The following GALNTL6 variants were observed in gnomAD, a reference collection of about 807,000 sequenced individuals.
The protein encoded by GALNTL6 is polypeptide N-acetylgalactosaminyltransferase-like 6.
Under a neutral mutation model 73.7 loss-of-function variants are expected in GALNTL6, and 46 were observed. The ratio of observed to expected loss-of-function variants is 0.62; its 90% CI spans 0.49 to 0.80. The LOEUF (loss-of-function observed/expected upper bound fraction) is 0.80, where lower values mean the gene tolerates loss of function less well. GALNTL6 is among the 30% of genes least tolerant of loss of function. The pLI is 0.00. For missense variants in GALNTL6, 604 were observed against 755.0 expected (o/e 0.80, Z 2.34); for synonymous variants, 259 against 263.7 (o/e 0.98, Z 0.17).
intron 2 of GALNTL6, among the ~76,000 whole-genome samples, chr4:172,020,842 C>T (rs1168790314): frequency 1.3e-5 from 2 of 151,832 alleles, no homozygotes; most frequent in African/African-American, 4.8e-5. Context: ...ACACCAAAGA[C>T]ACATCAAAAA....
intron 5 of GALNTL6, among the ~76,000 whole-genome samples, chr4:172,485,178 G>A (rs766247474): frequency 4.7e-4 from 71 of 152,072 alleles, no homozygotes; most frequent in Admixed American, 4.1e-3. Flanking sequence ...TTAGATTACC[G>A]TATTGTCTCT....
intron 5 of GALNTL6, among the ~76,000 whole-genome samples, chr4:172,717,720 C>T (rs941390747): frequency 3.3e-5 from 5 of 152,128 alleles, no homozygotes; most frequent in Non-Finnish European, 7.4e-5. Context: ...ATGAATAGAA[C>T]TAATGCCATA....
At chr4:172,050,925 A>AAAGTATGG (rs1730841539) in intron 2 of GALNTL6, among the ~76,000 whole-genome samples, 1 of 152,168 alleles carries the variant, frequency 6.6e-6, no homozygotes, top group Non-Finnish European at 1.5e-5. Flanking sequence ...GCTAGCTAAG[A>AAAGTATGG]AAGTATGGTT....
intron 8 of GALNTL6, among the ~76,000 whole-genome samples, chr4:172,918,366 C>A (rs1377359983): frequency 6.6e-6 from 1 of 151,418 alleles, no homozygotes; most frequent in Non-Finnish European, 1.5e-5. Context: ...TGCACATGTA[C>A]CCTAGAACTT....
chr4:172,633,997 C>A lies in GALNTL6; in HGVS notation c.554-175364C>A, dbSNP rs571191751. ...AACTGGGAGTCAATTAAACCTCTTT[C>A]CTTTATAAATTACCCAGTCTCTGGG... is the stretch of plus-strand genomic sequence containing the variant. On this transcript the variant is annotated intron_variant, in intron 5 of 12. Transcript: ENST00000506823. 9.9e-5 allele frequency among the ~76,000 whole-genome samples: 15 copies of A among 152,272 alleles called. No homozygotes were observed. The East Asian group carries it at 2.9e-3, about 29-fold the overall frequency.
chr4:172,693,651 CT>C (rs1454844434), intron 5 of GALNTL6, among the ~76,000 whole-genome samples: 3 of 152,194 alleles, frequency 2.0e-5, no homozygotes, highest in Non-Finnish European at 2.9e-5. Flanking sequence ...AAGGCTCCAC[CT>C]ATGGGGGAGG....
chr4:173,023,564 G>A (rs1400903747), intron 12 of GALNTL6, among the ~76,000 whole-genome samples: 1 of 152,116 alleles, frequency 6.6e-6, no homozygotes, highest in Non-Finnish European at 1.5e-5. Flanking sequence ...GGCTGAGGCA[G>A]GAGAATTGCC....
chr4:171,968,129 T>C (rs1334178021), intron 2 of GALNTL6, among the ~76,000 whole-genome samples: 3 of 152,190 alleles, frequency 2.0e-5, no homozygotes, highest in African/African-American at 7.2e-5. Flanking sequence ...CTTTTTATTC[T>C]CAAGATTCTA....
chr4:171,844,429 T>A (rs972721845), intron 2 of GALNTL6, among the ~76,000 whole-genome samples: 3 of 152,192 alleles, frequency 2.0e-5, no homozygotes, highest in Non-Finnish European at 2.9e-5. Flanking sequence ...ACCCTGGTAG[T>A]TTTGATGTCT....
chr4:172,987,861 C>G (rs1387158489), intron 10 of GALNTL6, among the ~76,000 whole-genome samples: 1 of 152,176 alleles, frequency 6.6e-6, no homozygotes, highest in African/African-American at 2.4e-5. Context: ...CTCCAGCCTA[C>G]TACAATTCCT....
intron 5 of GALNTL6, among the ~76,000 whole-genome samples, chr4:172,714,813 G>A (rs1326033814): frequency 6.6e-6 from 1 of 152,024 alleles, no homozygotes; most frequent in African/African-American, 2.4e-5. Context: ...TAAGGGCTAT[G>A]CCATCTTAGA....
chr4:172,849,986 C>T (rs1269189643), intron 7 of GALNTL6, among the ~76,000 whole-genome samples: 1 of 152,128 alleles, frequency 6.6e-6, no homozygotes, highest in African/African-American at 2.4e-5. Context: ...AAAGTCTTTC[C>T]TCTTCATACT....
Position 172,331,258 on chromosome 4 carries a change from TAA to T in GALNTL6, c.387-17252_387-17251del, listed in dbSNP as rs11311596. 1.0e-3 allele frequency among the ~76,000 whole-genome samples: 149 copies of T among 142,552 alleles called. 2 individuals are homozygous for T. The South Asian group carries it at 0.016, about 16-fold the overall frequency. 93.5% of individuals were successfully genotyped at this position (142,552 alleles called of 152,430 possible). ...ATATTACAAAATGTTCAACATCTTG[TAA>T]AAAAAAAAAAAAGTAGTTTTTGTTT... On this transcript the variant is annotated intron_variant, in intron 4 of 12. Transcript: ENST00000506823.
At chr4:171,905,174 G>T (rs989952740) in intron 2 of GALNTL6, among the ~76,000 whole-genome samples, 1 of 151,934 alleles carries the variant, frequency 6.6e-6, no homozygotes, top group Admixed American at 6.6e-5. Context: ...TGGACTAAAT[G>T]CTCCAATTAA....
At chr4:172,602,550 T>C (rs1277364581) in intron 5 of GALNTL6, among the ~76,000 whole-genome samples, 2 of 151,988 alleles carry the variant, frequency 1.3e-5, no homozygotes, top group African/African-American at 4.8e-5. Flanking sequence ...GAAGAGTTTA[T>C]AAGTCAACAG....
intron 2 of GALNTL6, among the ~76,000 whole-genome samples, chr4:171,963,659 T>A (rs757446523): frequency 1.1e-4 from 16 of 152,224 alleles, no homozygotes; most frequent in Non-Finnish European, 2.2e-4. Flanking sequence ...AACCTAAATG[T>A]AAATCGCTTA....
intron 3 of GALNTL6, among the ~76,000 whole-genome samples, chr4:172,238,371 A>G (rs1325925391): frequency 6.6e-6 from 1 of 152,058 alleles, no homozygotes; most frequent in Non-Finnish European, 1.5e-5. Flanking sequence ...TATTGTGGAT[A>G]GGACTGCATT....
At chr4:172,644,945 C>T (rs765528390) in intron 5 of GALNTL6, among the ~76,000 whole-genome samples, 18 of 152,076 alleles carry the variant, frequency 1.2e-4, no homozygotes, top group Admixed American at 7.2e-4. Flanking sequence ...TTCATAATGA[C>T]TAATGATATT....
intron 2 of GALNTL6, among the ~76,000 whole-genome samples, chr4:172,091,570 G>A (rs1173500479): frequency 1.3e-5 from 2 of 152,068 alleles, no homozygotes; most frequent in African/African-American, 2.4e-5. Context: ...ATTTCCAAAG[G>A]CAGTCTGGTC....
Sources: gnomAD v4.1 joint callset for allele counts (sites outside exome capture counted in the v4.1 genomes callset) on GRCh38, gnomAD v4.1.1 for gene constraint, MANE v1.5 for transcripts, NCBI Gene and HGNC (gene_info 2026-07-23, HGNC 2026-07-21) for gene names.